FAM149A: variants seen among roughly 807,000 people sequenced by gnomAD.
FAM149A encodes the protein family with sequence similarity 149 member A, also known as protein FAM149A.
In FAM149A, 71 loss-of-function variants were observed where a neutral mutation model predicts 78.2. That is an observed-to-expected ratio of 0.91 (90% confidence interval 0.75 to 1.11). The LOEUF is 1.11. FAM149A is among the 50% of genes least tolerant of loss of function. The pLI, the probability that FAM149A is intolerant of heterozygous loss-of-function variation, is 0.00. For synonymous variants in FAM149A, 446 were observed against 410.5 expected, an observed-to-expected ratio of 1.09 and a Z score of -1.04; for missense variants, 1,036 against 971.0, an observed-to-expected ratio of 1.07 and a Z score of -0.89.
intron 8 of FAM149A, among the ~76,000 whole-genome samples, chr4:186,159,841 G>A (rs570559651): frequency 6.6e-6 from 1 of 151,944 alleles, no homozygotes; most frequent in South Asian, 2.1e-4. Context: ...GAGAACACGG[G>A]TAAGGCAGGA....
chr4:186,154,824 A>G, intron 6 of FAM149A, 186 bp downstream of exon 6: 1 of 985,440 alleles, frequency 1.0e-6, no homozygotes, highest in Non-Finnish European at 1.2e-6. Flanking sequence ...GTGCGGGAGC[A>G]GCGAAGAGGG....
intron 1 of FAM149A, chr4:186,124,071 AC>A: frequency 7.5e-6 from 6 of 795,828 alleles, no homozygotes; most frequent in Non-Finnish European, 8.3e-6. Flanking sequence ...TAGGTCATCC[AC>A]TAGAGGTACA....
In FAM149A at chr4:186,104,992, T is replaced by G. The variant is rs967741455; in HGVS notation, c.-85T>G. 2.8e-5 allele frequency: 34 copies of G among 1,223,806 alleles called. No homozygotes were observed. The highest frequency in any genetic ancestry group is 5.0e-5 in the African/African-American group (3 of 60,484). The allele number at this position is 1,223,806 out of a possible 1,614,324, so 75.8% of individuals were successfully genotyped here. On this transcript the variant is annotated 5_prime_UTR_variant, in exon 1 of 14. Coordinates refer to ENST00000389354, the MANE Select transcript of FAM149A (RefSeq NM_001367768.3). ...TCCGGGTGCGGGGACCTCAGGCTCC[T>G]CGCCCCGGCCCGGGCCGCCTCGGCC...
intron 9 of FAM149A, 106 bp downstream of exon 9, chr4:186,163,054 C>A: frequency 1.4e-6 from 1 of 727,106 alleles, no homozygotes; most frequent in Non-Finnish European, 2.4e-6. Flanking sequence ...CCCATTTAAT[C>A]CCGTGCTTCA....
At chr4:186,127,707 T>C in intron 1 of FAM149A, 1 of 980,160 alleles carries the variant, frequency 1.0e-6, no homozygotes, top group Non-Finnish European at 1.2e-6. Flanking sequence ...GTTTTGGAGA[T>C]AGAGTTATGC....
chr4:186,170,285 C>T (rs1333524147), intron 13 of FAM149A, among the ~76,000 whole-genome samples: 1 of 152,234 alleles, frequency 6.6e-6, no homozygotes. Flanking sequence ...TGCTGTGACA[C>T]CAGGCATTCC....
intron 1 of FAM149A, among the ~76,000 whole-genome samples, chr4:186,106,439 G>A (rs2099308785): frequency 6.6e-6 from 1 of 151,994 alleles, no homozygotes; most frequent in Admixed American, 6.6e-5. Flanking sequence ...TTCTTGAGTG[G>A]GTAAATTTTC....
At chr4:186,118,908 C>G (rs899580712) in intron 1 of FAM149A, among the ~76,000 whole-genome samples, 6 of 152,050 alleles carry the variant, frequency 3.9e-5, no homozygotes, top group Non-Finnish European at 8.8e-5. Context: ...GTTTTGTTTT[C>G]TTTTGACATA....
intron 4 of FAM149A, 117 bp from the exon 5 acceptor site, chr4:186,153,528 C>T (rs1733780155): frequency 1.3e-6 from 2 of 1,490,932 alleles, no homozygotes; most frequent in Admixed American, 2.0e-5. Flanking sequence ...TCCCACGTTC[C>T]CATACACATC....
chr4:186,165,230 C>A, intron 10 of FAM149A, 114 bp from the exon 11 acceptor site: 7 of 1,130,792 alleles, frequency 6.2e-6, no homozygotes, highest in South Asian at 1.3e-5. Flanking sequence ...AAATCAAAGA[C>A]CTCCTGTGTG....
At chr4:186,120,849 T>TTC (rs1366483044) in intron 1 of FAM149A, among the ~76,000 whole-genome samples, 2 of 420 alleles carry the variant, frequency 4.8e-3, no homozygotes, top group Admixed American at 0.083. Flanking sequence ...AATAATATTC[T>TTC]TTTTTTTTTT....
chr4:186,138,632 T>TGAA (rs2099324524), intron 1 of FAM149A, among the ~76,000 whole-genome samples: 3 of 151,960 alleles, frequency 2.0e-5, no homozygotes, highest in Non-Finnish European at 2.9e-5. Flanking sequence ...TCACGACAGT[T>TGAA]TAGGGGAGTA....
At chr4:186,159,420 T>C (rs1271805064) in intron 8 of FAM149A, among the ~76,000 whole-genome samples, 1 of 151,704 alleles carries the variant, frequency 6.6e-6, no homozygotes, top group African/African-American at 2.4e-5. Context: ...AGCAAAGGCG[T>C]GGATGAGTAA....
At chr4:186,105,812 T>C (rs2099308520) in intron 1 of FAM149A, among the ~76,000 whole-genome samples, 170 bp downstream of exon 1, 1 of 152,232 alleles carries the variant, frequency 6.6e-6, no homozygotes, top group Non-Finnish European at 1.5e-5. Context: ...ACTCCTTGGC[T>C]TTGCGGGCTT....
At position 186,165,330 on chromosome 4, in the gene FAM149A, A is replaced by T. The variant is rs371226293; in HGVS notation, c.1890-14A>T. The T allele has an allele frequency of 5.6e-6, 9 of 1,614,008 alleles. No individual in the cohort carries two copies. The highest frequency in any genetic ancestry group is 4.5e-5 in the East Asian group (2 of 44,890). On this transcript the variant is annotated splice_polypyrimidine_tract_variant and intron_variant, in intron 10 of 13. Coordinates refer to ENST00000389354, the MANE Select transcript of FAM149A (RefSeq NM_001367768.3). ...ATGTACCTGGGTGCTCAGTGACATGATGATGTGTTGCAGGCCGACTGGCGT... is the reference window on the plus strand; with the variant it reads ...ATGTACCTGGGTGCTCAGTGACATGTTGATGTGTTGCAGGCCGACTGGCGT...
At chr4:186,159,131 C>T (rs1331076038) in intron 8 of FAM149A, among the ~76,000 whole-genome samples, 1 of 151,938 alleles carries the variant, frequency 6.6e-6, no homozygotes, top group Non-Finnish European at 1.5e-5. Context: ...ATACATTGGG[C>T]TTACTCAGCA....
chr4:186,115,323 C>A (rs1293411231), intron 1 of FAM149A, among the ~76,000 whole-genome samples: 39 of 138,678 alleles, frequency 2.8e-4, no homozygotes, highest in Non-Finnish European at 3.3e-4. Context: ...TTTTCAACTT[C>A]TTTGCCTTTG....
intron 1 of FAM149A, among the ~76,000 whole-genome samples, chr4:186,106,100 T>C (rs74904616): frequency 0.014 from 2,101 of 152,296 alleles, 54 homozygotes; most frequent in African/African-American, 0.048. Context: ...AGTCTTATCC[T>C]AAGTGGGATG....
chr4:186,169,834 C>T (rs948780852), intron 13 of FAM149A: 5 of 985,252 alleles, frequency 5.1e-6, no homozygotes, highest in African/African-American at 3.5e-5. Flanking sequence ...CAGTCATCTG[C>T]GCCTCACTGC....
Sources: allele counts gnomAD v4.1 joint callset (sites outside exome capture counted in the v4.1 genomes callset), GRCh38; gene constraint gnomAD v4.1.1; transcripts MANE v1.5; gene names NCBI Gene and HGNC (gene_info 2026-07-23, HGNC 2026-07-21).